Variants in DPP6 observed in about 807,000 individuals in gnomAD.
DPP6 encodes the protein A-type potassium channel modulatory protein DPP6.
A neutral mutation model predicts 122.6 loss-of-function variants in DPP6; 69 were observed. That is an observed-to-expected ratio of 0.56 (90% CI 0.46 to 0.69). DPP6 has a LOEUF of 0.69. Among genes scored for constraint, DPP6 ranks in the 30% least tolerant of loss-of-function variants. The pLI, the probability that DPP6 is intolerant of heterozygous loss-of-function variation, is 0.00. For missense variants in DPP6, 928 were observed against 1,116.9 expected, an observed-to-expected ratio of 0.83 and a Z score of 2.41; for synonymous variants, 418 against 433.1, an observed-to-expected ratio of 0.97 and a Z score of 0.43.
At chr7:154,097,753 C>T (rs1217723314) in intron 1 of DPP6, among the ~76,000 whole-genome samples, 3 of 152,216 alleles carry the variant, frequency 2.0e-5, no homozygotes. Flanking sequence ...GCAGCTGTCA[C>T]CTGAGGGCTT....
chr7:154,552,908 A>AT (rs1241621023), intron 4 of DPP6, among the ~76,000 whole-genome samples: 3 of 152,202 alleles, frequency 2.0e-5, no homozygotes, highest in Non-Finnish European at 4.4e-5. Flanking sequence ...ACAGATCAGC[A>AT]TTTTTTCAAT....
intron 10 of DPP6, among the ~76,000 whole-genome samples, chr7:154,787,079 A>G (rs749734492): frequency 2.1e-4 from 32 of 152,312 alleles, no homozygotes; most frequent in Non-Finnish European, 3.5e-4. Context: ...TATCATTGCA[A>G]TTAGGTTTCT....
chr7:153,877,925 C>T, the DPP6 span, among the ~76,000 whole-genome samples: 1 of 151,916 alleles, frequency 6.6e-6, no homozygotes, highest in Non-Finnish European at 1.5e-5. Flanking sequence ...TATTAAAAGT[C>T]CTGGACACTA....
intron 1 of DPP6, among the ~76,000 whole-genome samples, chr7:153,909,193 A>G (rs1799971246): frequency 6.6e-6 from 1 of 152,170 alleles, no homozygotes; most frequent in African/African-American, 2.4e-5. Context: ...TGGGTCTTGA[A>G]TGGGCATGCT....
chr7:154,679,414 G>C (rs571716618), intron 7 of DPP6, among the ~76,000 whole-genome samples: 11 of 152,228 alleles, frequency 7.2e-5, no homozygotes, highest in African/African-American at 2.2e-4. Context: ...CCTGCTTCCT[G>C]TATCCAGTCC....
chr7:153,938,647 T>A (rs564828930), intron 1 of DPP6, among the ~76,000 whole-genome samples: 11 of 152,236 alleles, frequency 7.2e-5, no homozygotes, highest in Non-Finnish European at 1.6e-4. Flanking sequence ...ATGAGACCAT[T>A]ACTGTCCCAT....
At chr7:154,433,997 G>A (rs74832860) in intron 1 of DPP6, among the ~76,000 whole-genome samples, 6,834 of 152,196 alleles carry the variant, frequency 0.045, 519 homozygotes, top group African/African-American at 0.15. Flanking sequence ...CTTAAACTGT[G>A]GTTATTTCTT....
chr7:153,838,088 A>G, the DPP6 span, among the ~76,000 whole-genome samples: 1 of 152,120 alleles, frequency 6.6e-6, no homozygotes. Context: ...CAGGTGTCAT[A>G]ATAGGGCCAG....
rs1834952522 is a variant in DPP6 at position 154,624,675 on chromosome 7, G to A, written c.628-13146G>A. Among the ~76,000 whole-genome samples the A allele has an allele frequency of 6.6e-6, 1 of 152,096 alleles. No homozygotes were observed. Among genetic ancestry groups the A allele is most frequent in the African/African-American group, 2.4e-5 (1 of 41,404 alleles). ...CTGCACACAAACAATAGAAAGCAAT[G>A]GAGCCCTTGTTAGAAACACATATTT... is the stretch of plus-strand genomic sequence containing the variant. On this transcript the variant is annotated intron_variant, in intron 5 of 25. Coordinates refer to ENST00000377770, the MANE Select transcript of DPP6 (RefSeq NM_130797.4). This position sits in a 1 kb window ranked among gnomAD's most constrained non-coding sequence, Gnocchi z 4.7.
intron 16 of DPP6, among the ~76,000 whole-genome samples, chr7:154,837,538 TG>T (rs1451150432): frequency 6.6e-6 from 1 of 151,918 alleles, no homozygotes; most frequent in African/African-American, 2.4e-5. Flanking sequence ...GCTCTGGGGG[TG>T]GGGGCAGGTA....
chr7:154,366,793 G>A (rs1317364170), intron 1 of DPP6, among the ~76,000 whole-genome samples: 3 of 152,200 alleles, frequency 2.0e-5, no homozygotes, highest in African/African-American at 7.2e-5. Context: ...AAAGGCAGAT[G>A]TGACTTTGTA....
chr7:154,156,655 C>T (rs896415239), intron 1 of DPP6, among the ~76,000 whole-genome samples: 4 of 152,160 alleles, frequency 2.6e-5, no homozygotes, highest in Admixed American at 1.3e-4. Flanking sequence ...TAATTGCTTC[C>T]TTGTTTAATA....
chr7:153,874,649 T>A, the DPP6 span, among the ~76,000 whole-genome samples: 1 of 152,228 alleles, frequency 6.6e-6, no homozygotes, highest in Non-Finnish European at 1.5e-5. Context: ...GTGCTGGGAT[T>A]ACAGGTGTGA....
intron 1 of DPP6, among the ~76,000 whole-genome samples, chr7:154,371,172 G>A (rs750973309): frequency 1.3e-5 from 2 of 151,970 alleles, no homozygotes; most frequent in Non-Finnish European, 2.9e-5. Flanking sequence ...GAGGTTAGGA[G>A]TTTAAGACCA....
At chr7:154,083,062 G>T (rs1804144329) in intron 1 of DPP6, among the ~76,000 whole-genome samples, 1 of 151,930 alleles carries the variant, frequency 6.6e-6, no homozygotes, top group African/African-American at 2.4e-5. Context: ...TGTTAGCCAG[G>T]ATGGTCTCGA....
chr7:153,904,787 A>G (rs903510181), intron 1 of DPP6, among the ~76,000 whole-genome samples: 1 of 152,244 alleles, frequency 6.6e-6, no homozygotes, highest in Non-Finnish European at 1.5e-5. Flanking sequence ...AAAACATTGT[A>G]AGGGCCAAGG....
At chr7:154,535,997 A>T (rs1004087310) in intron 3 of DPP6, among the ~76,000 whole-genome samples, 2 of 152,214 alleles carry the variant, frequency 1.3e-5, no homozygotes, top group African/African-American at 4.8e-5. Flanking sequence ...AACATACCAT[A>T]TGACCCAACA....
intron 1 of DPP6, among the ~76,000 whole-genome samples, chr7:154,374,903 C>T (rs188731387): frequency 2.3e-3 from 349 of 152,280 alleles, no homozygotes; most frequent in African/African-American, 6.8e-3. Context: ...TGAGCCACCG[C>T]GCCCGGCCGA....
At chr7:153,987,047 G>A (rs1400108737) in intron 1 of DPP6, among the ~76,000 whole-genome samples, 2 of 152,322 alleles carry the variant, frequency 1.3e-5, no homozygotes, top group African/African-American at 4.8e-5. Context: ...TTTTAGCCAG[G>A]CACAGACTGC....
Sources: allele counts gnomAD v4.1 joint callset (sites outside exome capture counted in the v4.1 genomes callset), GRCh38; gene constraint gnomAD v4.1.1; non-coding constraint Gnocchi (gnomAD v3.1); transcripts MANE v1.5; gene names NCBI Gene and HGNC (gene_info 2026-07-23, HGNC 2026-07-21).